Variants in PITRM1 observed in about 807,000 individuals in gnomAD.
PITRM1 encodes the protein pitrilysin metallopeptidase 1.
PITRM1 carries 100 observed loss-of-function variants against 129.9 expected under a neutral mutation model. That is an observed-to-expected ratio of 0.77 (90% confidence interval 0.65 to 0.91). The LOEUF is 0.91. Ranked by LOEUF, PITRM1 falls within the 40% of genes least tolerant of loss-of-function variation. The pLI is 0.00. For missense variants in PITRM1, 1,471 were observed against 1,318.3 expected, an observed-to-expected ratio of 1.12 and a Z score of -1.79; for synonymous variants, 591 against 508.8, an observed-to-expected ratio of 1.16 and a Z score of -2.17.
chr10:3,138,090 C>A lies in PITRM1; in HGVS notation c.3055G>T (p.Ala1019Ser). The change falls in exon 27 of 27, where the codon GCC becomes TCC. Residue 1019 changes from alanine to serine, a missense_variant. Transcript: ENST00000224949. ...TTCGGGTTCTCGGGTCCGAGGATGG[C>A]CAGGCCGTGTGTGCTCTTCCCAGTG... ...LGTGKSTHGL[A>S]ILGPENPKIA... 1 of 1,610,504 alleles carries A rather than the reference C, an allele frequency of 6.2e-7. No individual in the cohort carries two copies. The highest frequency in any genetic ancestry group is 8.5e-7 in the Non-Finnish European group (1 of 1,178,520).
Position 3,140,744 on chromosome 10 carries a change from G to C in PITRM1, c.2714C>G (p.Ala905Gly). The C allele has an allele frequency of 6.3e-7, 1 of 1,597,836 alleles. No homozygotes were observed. Among genetic ancestry groups the C allele is most frequent in the Non-Finnish European group, 8.5e-7 (1 of 1,171,354 alleles). The change falls in exon 24 of 27, where the codon GCT becomes GGT. Residue 905 changes from alanine (A) to glycine (G), a missense_variant. Physicochemically the swap from Ala to Gly is moderately conservative, Grantham distance 60. Transcript: ENST00000224949. ...LHTEIREKGG[A>G]YGGGAKLSHN... ...GCTGAGTTTTGCGCCTCCACCATAA[G>C]CACCGCCTTTTTCTCGAATTTCTGT...
At chr10:3,172,818 G>T (rs775230310), upstream of PITRM1, 2 of 1,524,550 alleles carry the variant, frequency 1.3e-6, no homozygotes, top group East Asian at 2.5e-5. Flanking sequence ...CTCTTAACCC[G>T]ACGCAGGGCG....
chr10:3,167,063 C>G, intron 2 of PITRM1, 21 bp from the exon 3 acceptor site: 1 of 1,479,334 alleles, frequency 6.8e-7, no homozygotes, highest in Non-Finnish European at 9.3e-7. Flanking sequence ...AAGAAAAACA[C>G]GACCAGTTAA....
Position 3,138,037 on chromosome 10 carries a change from G to A in PITRM1, c.3108C>T (p.Ile1036=), listed in dbSNP as rs778286117. The part of the protein sequence containing the change: ...PKIAKDPSWI[I]Q ...AGTCGAGCGCCACGGCTGCTCATTG[G>A]ATGATCCAGGATGGGTCCTTGGCAA... The change falls in exon 27 of 27, where the codon ATC becomes ATT. Residue 1036 remains isoleucine (I), a synonymous_variant. Coordinates refer to ENST00000224949, the MANE Select transcript of PITRM1 (RefSeq NM_014889.4). 7 of 1,600,946 alleles carry A rather than the reference G, an allele frequency of 4.4e-6. 1 individual carries two copies. The East Asian group carries it at 6.7e-5, about 15-fold the overall frequency.
chr10:3,138,186 G>A, intron 26 of PITRM1, 49 bp downstream of exon 26: 2 of 1,576,454 alleles, frequency 1.3e-6, no homozygotes. Context: ...GTTAGAGTCA[G>A]CACGAGGGCT....
chr10:3,161,945 T>A (rs538873601), intron 7 of PITRM1, among the ~76,000 whole-genome samples: 1 of 151,218 alleles, frequency 6.6e-6, no homozygotes, highest in African/African-American at 2.4e-5. Flanking sequence ...GAGGTCAAGG[T>A]GGGCAGACTG....
Position 3,147,829 on chromosome 10 carries a change from T to C in PITRM1, c.2070-92A>G, listed in dbSNP as rs888139849. 5 of 1,305,824 alleles carry C rather than the reference T, an allele frequency of 3.8e-6. No homozygotes were observed. In the Admixed American group the frequency reaches 7.3e-5, roughly 19 times the overall value. The allele number at this position is 1,305,824 out of a possible 1,614,324, so 80.9% of individuals were successfully genotyped here. A position where few individuals can be genotyped will look rare whatever the true frequency, so the allele number is the denominator to read the frequency against. On this transcript the variant is annotated intron_variant, in intron 18 of 26. Coordinates refer to ENST00000224949, the MANE Select transcript of PITRM1 (RefSeq NM_014889.4). ...AGTTGATTAAGTTTTCAGAGTACTT[T>C]AACAACCAAAGAAATTTTATAAGTC...
In PITRM1 at chr10:3,138,943, A is replaced by G. The variant is rs767680494; in HGVS notation, c.2878T>C (p.Phe960Leu). 8 of 1,614,016 alleles carry G rather than the reference A, an allele frequency of 5.0e-6. No individual in the cohort carries two copies. The South Asian group carries it at 6.6e-5, about 13-fold the overall frequency. ...GCGACAGGAGCATCTACGGTTGAGAAGACAGAAAGTTTGGCTTCGTCGATG... is the reference window on the plus strand; with the variant it reads ...GCGACAGGAGCATCTACGGTTGAGAGGACAGAAAGTTTGGCTTCGTCGATG... ...QDIDEAKLSV[F>L]STVDAPVAPS... The change falls in exon 25 of 27, where the codon TTC becomes CTC. Residue 960 changes from phenylalanine to leucine, a missense_variant. By Grantham distance (22) the Phe-to-Leu change is conservative. Coordinates refer to ENST00000224949, the MANE Select transcript of PITRM1 (RefSeq NM_014889.4).
At chr10:3,169,586 A>G (rs550715357) in intron 2 of PITRM1, among the ~76,000 whole-genome samples, 2 of 152,402 alleles carry the variant, frequency 1.3e-5, no homozygotes, top group South Asian at 2.1e-4. Context: ...AAATAGAAAC[A>G]ATGCAAAAGG....
intron 11 of PITRM1, among the ~76,000 whole-genome samples, 175 bp downstream of exon 11, chr10:3,157,865 G>T (rs545892603): frequency 3.5e-4 from 54 of 152,306 alleles, no homozygotes; most frequent in Non-Finnish European, 6.8e-4. Flanking sequence ...CTAAGATGTT[G>T]AAGAGTTTTA....
intron 14 of PITRM1, among the ~76,000 whole-genome samples, chr10:3,154,056 T>G (rs1282881616): frequency 6.6e-6 from 1 of 152,192 alleles, no homozygotes; most frequent in African/African-American, 2.4e-5. Flanking sequence ...ACACCCCGAC[T>G]GGGCCTCCAG....
At position 3,172,738 on chromosome 10, in the gene PITRM1, A is replaced by G; in HGVS notation, c.35T>C (p.Val12Ala). The change falls in exon 1 of 27, where the codon GTG becomes GCG. Residue 12 changes from valine to alanine, a missense_variant. Transcript: ENST00000224949. ...WRCGGRQGLC[V>A]LRRLSGGHAH... ...TCACCCGCCGCTCAGCCGCCTCAGCACACACAGGCCCTGCCGCCCGCCGCA... is the reference window on the plus strand; with the variant it reads ...TCACCCGCCGCTCAGCCGCCTCAGCGCACACAGGCCCTGCCGCCCGCCGCA... 3.2e-6 allele frequency: 5 copies of G among 1,545,498 alleles called. No homozygotes were observed. Among genetic ancestry groups the G allele is most frequent in the South Asian group, 2.4e-5 (2 of 83,718 alleles).
intron 14 of PITRM1, 37 bp downstream of exon 14, chr10:3,155,554 G>A: frequency 6.2e-7 from 1 of 1,612,478 alleles, no homozygotes. Flanking sequence ...CCCGAGTGCA[G>A]GTTAGGGACT....
In PITRM1 at chr10:3,148,033, G is replaced by C. The variant is rs763093078; in HGVS notation, c.2023C>G (p.Arg675Gly). ...GVLFSSLCLDRNLPDMMQLWS... is the reference protein window; with the variant it reads ...GVLFSSLCLDGNLPDMMQLWS... ...AGCTGCATCATGTCTGGCAGGTTTC[G>C]ATCCAGGCAGAGAGAGGAGAAAAGC... Residue 675 changes from arginine to glycine, a missense_variant, in exon 18 of 27, where the codon CGA becomes GGA. Transcript: ENST00000224949. 2 of 1,613,478 alleles carry C rather than the reference G, an allele frequency of 1.2e-6. No individual in the cohort carries two copies. The highest frequency in any genetic ancestry group is 3.3e-5 in the Admixed American group (2 of 60,006).
intron 7 of PITRM1, among the ~76,000 whole-genome samples, chr10:3,161,093 T>A (rs1323711428): frequency 6.6e-6 from 1 of 152,120 alleles, no homozygotes; most frequent in Non-Finnish European, 1.5e-5. Context: ...GTGGGTTCTA[T>A]GTTACCCATG....
chr10:3,141,563 C>T (rs151114717), intron 23 of PITRM1: 56 of 373,116 alleles, frequency 1.5e-4, no homozygotes, highest in African/African-American at 1.2e-3. Context: ...CCAATTTCCT[C>T]TGCCTTCCAC....
chr10:3,158,157 G>A lies in PITRM1; in HGVS notation c.1137-4C>T. On this transcript the variant is annotated splice_polypyrimidine_tract_variant and splice_region_variant and intron_variant, in intron 10 of 26. Transcript: ENST00000224949. ...CTCCCTCGTGTAGCCATTATATCTA[G>A]AAGACAAAACCAGAAATGATGCACT... The A allele has an allele frequency of 1.3e-6, 2 of 1,538,724 alleles. No individual in the cohort carries two copies. The highest frequency in any genetic ancestry group is 1.8e-6 in the Non-Finnish European group (2 of 1,116,886).
Position 3,151,316 on chromosome 10 carries a change from G to A in PITRM1, c.1669C>T (p.Leu557=). 1 of 1,611,356 alleles carries A rather than the reference G, an allele frequency of 6.2e-7. No individual in the cohort carries two copies. The highest frequency in any genetic ancestry group is 8.5e-7 in the Non-Finnish European group (1 of 1,178,772). ...QQSKPQDASC[L]PALKVSDIEP... is the part of the protein sequence containing the mutation. ...ATATCGGAAACTTTCAACGCTGGCA[G>A]ACAAGAGGCATCTTGAGGTTTGCTT... Residue 557 remains leucine, a synonymous_variant, in exon 15 of 27, where the codon CTG becomes TTG. Coordinates refer to ENST00000224949, the MANE Select transcript of PITRM1 (RefSeq NM_014889.4).
chr10:3,144,117 CTG>C (rs1285202135), intron 22 of PITRM1, 173 bp downstream of exon 22: 24 of 604,768 alleles, frequency 4.0e-5, no homozygotes, highest in Middle Eastern at 4.3e-4. Context: ...TCAGTACTGT[CTG>C]AGAGAGAAAA....
Sources: allele counts gnomAD v4.1 joint callset (sites outside exome capture counted in the v4.1 genomes callset), GRCh38; gene constraint gnomAD v4.1.1; transcripts MANE v1.5; gene names NCBI Gene and HGNC (gene_info 2026-07-23, HGNC 2026-07-21).